Variants in ATP5MC2 observed in about 807,000 individuals in gnomAD.
ATP5MC2 encodes the protein ATP synthase membrane subunit c locus 2.
In ATP5MC2, 11 loss-of-function variants were observed where a neutral mutation model predicts 13.5. The observed-to-expected ratio is 0.81, with a 90% CI of 0.51 to 1.35. The LOEUF (loss-of-function observed/expected upper bound fraction) is 1.35. Ranked by LOEUF, ATP5MC2 falls within the 40% of genes most tolerant of loss-of-function variation. ATP5MC2 has a pLI of 0.00. For synonymous variants in ATP5MC2, 64 were observed against 69.7 expected (o/e 0.92, Z 0.41); for missense variants, 132 against 175.0 (o/e 0.75, Z 1.39).
At position 53,669,253 on chromosome 12, in the gene ATP5MC2, TC is replaced by T; in HGVS notation, c.205del (p.Asp69ThrfsTer40). On this transcript the variant is annotated frameshift_variant, in exon 4 of 5. Coordinates refer to ENST00000394349, the MANE Select transcript of ATP5MC2 (RefSeq NM_005176.7). LOFTEE classifies it high-confidence loss of function. ...FQTSAISRDI[D>X]TAAKFIGAGA... Reference sequence around the variant, plus strand: ...AGCTCCAATGAACTTGGCTGCTGTGTCGATGTCCCTTGAAATGGCGCTGGTT... The same window carrying T: ...AGCTCCAATGAACTTGGCTGCTGTGTGATGTCCCTTGAAATGGCGCTGGTT... 1 of 1,614,048 alleles carries T rather than the reference TC, an allele frequency of 6.2e-7. No individual in the cohort carries two copies. Among genetic ancestry groups the T allele is most frequent in the Non-Finnish European group, 8.5e-7 (1 of 1,179,988 alleles).
intron 4 of ATP5MC2, among the ~76,000 whole-genome samples, chr12:53,667,951 A>G (rs1944966564): frequency 2.2e-5 from 1 of 44,748 alleles, no homozygotes; most frequent in South Asian, 7.6e-4. Context: ...ACATACATAC[A>G]CACACATATA....
In ATP5MC2 at chr12:53,675,973, C is replaced by T. The variant is rs976520845; in HGVS notation, c.-32+80G>A. ...CCAGGGTGGGAGCACGCAAGGTAAG[C>T]GCCTCAAAGCATCCGCGCAAGGTGA... On this transcript the variant is annotated intron_variant, in intron 1 of 4. Coordinates refer to ENST00000394349, the MANE Select transcript of ATP5MC2 (RefSeq NM_005176.7). 1.2e-5 allele frequency: 18 copies of T among 1,557,716 alleles called. No homozygotes were observed. In the Admixed American group the frequency reaches 3.2e-4, roughly 28 times the overall value.
At chr12:53,667,952 CACACATATAT>C (rs1387073941) in intron 4 of ATP5MC2, among the ~76,000 whole-genome samples, 40 of 110,766 alleles carry the variant, frequency 3.6e-4, no homozygotes, top group African/African-American at 1.2e-3. Flanking sequence ...CATACATACA[CACACATATAT>C]ATATATATAT....
chr12:53,678,688 A>C (rs1259407012), upstream of ATP5MC2, among the ~76,000 whole-genome samples: 1 of 152,186 alleles, frequency 6.6e-6, no homozygotes, highest in Non-Finnish European at 1.5e-5. Context: ...GTGAATTTGA[A>C]GACAGCAAAA....
At position 53,666,231 on chromosome 12, in the gene ATP5MC2, G is replaced by C. The variant is rs144863646; in HGVS notation, c.312-803C>G. Among the ~76,000 whole-genome samples, 1,214 of 152,046 alleles carry C rather than the reference G, an allele frequency of 8.0e-3. 20 individuals carry two copies. The highest frequency in any genetic ancestry group is 0.028 in the African/African-American group (1,160 of 41,454). The stretch of plus-strand genomic sequence containing the variant: ...GGCCGAGATGAGTAGATTGCTTGAG[G>C]TCAGGAGTTCGAGACCAGCCTGGCC... On this transcript the variant is annotated intron_variant, in intron 4 of 4. Transcript: ENST00000394349.
intron 2 of ATP5MC2, 149 bp downstream of exon 2, chr12:53,672,427 G>A (rs750203782): frequency 1.2e-5 from 10 of 822,866 alleles, no homozygotes; most frequent in Middle Eastern, 7.1e-4. Context: ...TCGCCATGTT[G>A]GCCAGGCTGG....
At chr12:53,676,209 A>T, upstream of ATP5MC2, 1 of 1,607,906 alleles carries the variant, frequency 6.2e-7, no homozygotes, top group Non-Finnish European at 8.5e-7. Flanking sequence ...GCCGCCTGCC[A>T]GGGCTGTGGC....
chr12:53,680,347 G>A (rs1222393161), upstream of ATP5MC2, among the ~76,000 whole-genome samples: 2 of 152,100 alleles, frequency 1.3e-5, no homozygotes, highest in Non-Finnish European at 2.9e-5. Context: ...TTGTGAATGG[G>A]TATAAAAAAT....
chr12:53,668,178 A>G (rs1421784877), intron 4 of ATP5MC2, among the ~76,000 whole-genome samples: 1 of 150,608 alleles, frequency 6.6e-6, no homozygotes, highest in African/African-American at 2.4e-5. Context: ...TAGCAGAGAC[A>G]GGGTTTCACC....
intron 3 of ATP5MC2, 40 bp from the exon 4 acceptor site, chr12:53,669,381 T>G: frequency 6.3e-7 from 1 of 1,582,088 alleles, no homozygotes; most frequent in Middle Eastern, 1.7e-4. Flanking sequence ...GTTTTTTGCT[T>G]TGGTAACTTT....
chr12:53,679,238 CGAGAGAGAGAGAGAGAGAGAGAGAGA>C (rs59340879), upstream of ATP5MC2, among the ~76,000 whole-genome samples: 1 of 127,684 alleles, frequency 7.8e-6, no homozygotes, highest in African/African-American at 3.3e-5. Context: ...ATTTTAAAAA[CGAGAGAGAGAGAGAGAGAGAGAGAGA>C]GAGAGAGAGA....
upstream of ATP5MC2, chr12:53,676,099 A>G (rs1015476998): frequency 2.5e-6 from 4 of 1,614,140 alleles, no homozygotes; most frequent in African/African-American, 5.3e-5. Context: ...CAGCGGGAAG[A>G]GCGAAAGGAA....
At chr12:53,667,057 C>G (rs1387147051) in intron 4 of ATP5MC2, among the ~76,000 whole-genome samples, 1 of 151,992 alleles carries the variant, frequency 6.6e-6, no homozygotes, top group Non-Finnish European at 1.5e-5. Context: ...ATTTCCCTTA[C>G]TCTGATACCT....
chr12:53,670,348 T>G, intron 2 of ATP5MC2: 1 of 347,900 alleles, frequency 2.9e-6, no homozygotes, highest in South Asian at 2.2e-5. Flanking sequence ...CATCATACTT[T>G]GAAAAACCAT....
intron 1 of ATP5MC2, among the ~76,000 whole-genome samples, chr12:53,674,960 C>G (rs528701849): frequency 6.6e-6 from 1 of 152,232 alleles, no homozygotes; most frequent in South Asian, 2.1e-4. Context: ...AAATGCAGCT[C>G]TTAGGGGGAT....
At position 53,675,938 on chromosome 12, in the gene ATP5MC2, G is replaced by C. The variant is rs1027314758; in HGVS notation, c.-32+115C>G. The C allele has an allele frequency of 1.5e-5, 22 of 1,430,892 alleles. No individual in the cohort carries two copies. In the African/African-American group the frequency reaches 2.9e-4, roughly 19 times the overall value. The allele number at this position is 1,430,892 out of a possible 1,614,324, so 88.6% of individuals were successfully genotyped here. A position where few individuals can be genotyped will look rare whatever the true frequency, so the allele number is the denominator to read the frequency against. ...CTAAGGGATAGCGGAAGCAAGAAAGGGCGAGAGGACCAGGGTGGGAGCACG... is the reference window on the plus strand; with the variant it reads ...CTAAGGGATAGCGGAAGCAAGAAAGCGCGAGAGGACCAGGGTGGGAGCACG... On this transcript the variant is annotated intron_variant, in intron 1 of 4. Coordinates refer to ENST00000394349, the MANE Select transcript of ATP5MC2 (RefSeq NM_005176.7).
chr12:53,679,569 C>T (rs1476803858), upstream of ATP5MC2, among the ~76,000 whole-genome samples: 1 of 152,202 alleles, frequency 6.6e-6, no homozygotes, highest in Non-Finnish European at 1.5e-5. Flanking sequence ...AGTAGGTGAT[C>T]TCTAAGATTT....
intron 4 of ATP5MC2, among the ~76,000 whole-genome samples, chr12:53,667,823 A>C (rs1388886528): frequency 6.6e-6 from 1 of 151,752 alleles, no homozygotes; most frequent in Non-Finnish European, 1.5e-5. Context: ...CAATCATACA[A>C]AACCTGGCTA....
chr12:53,676,089 C>T, upstream of ATP5MC2: 3 of 1,614,256 alleles, frequency 1.9e-6, no homozygotes, highest in Non-Finnish European at 2.5e-6. Flanking sequence ...AGGGGCGGAG[C>T]AGCGGGAAGA....
Sources: allele counts gnomAD v4.1 joint callset (sites outside exome capture counted in the v4.1 genomes callset), GRCh38; gene constraint gnomAD v4.1.1; transcripts MANE v1.5; gene names NCBI Gene and HGNC (gene_info 2026-07-23, HGNC 2026-07-21).